The following CPLX2 variants were observed in gnomAD, a reference collection of about 807,000 sequenced individuals.
The protein encoded by CPLX2 is complexin 2, also known as complexin-2.
CPLX2 carries 5 observed loss-of-function variants against 16.3 expected under a neutral mutation model. The observed-to-expected ratio is 0.31, with a 90% confidence interval of 0.16 to 0.64. CPLX2 has a LOEUF of 0.64. Among genes scored for constraint, CPLX2 ranks in the 30% least tolerant of loss-of-function variants. The pLI is 0.79. For synonymous variants in CPLX2, 89 were observed against 73.2 expected (o/e 1.22, Z -1.10); for missense variants, 144 against 181.4 (o/e 0.79, Z 1.18).
upstream of CPLX2, among the ~76,000 whole-genome samples, chr5:175,868,173 G>A (rs938700595): frequency 4.6e-5 from 7 of 152,194 alleles, no homozygotes; most frequent in African/African-American, 1.7e-4. Flanking sequence ...GCTGGTGCCT[G>A]GCATTTCCTA....
At position 175,849,601 on chromosome 5, in the gene CPLX2, G is replaced by C. The variant is rs566723030; in HGVS notation, c.-88-29051G>C. Among the ~76,000 whole-genome samples, 1 of 152,202 alleles carries C rather than the reference G, an allele frequency of 6.6e-6. No homozygotes were observed. The highest frequency in any genetic ancestry group is 1.5e-5 in the Non-Finnish European group (1 of 68,028). On this transcript the variant is annotated intron_variant, in intron 2 of 4. Transcript: ENST00000359546. The surrounding 1 kb of genome is among the most constrained non-coding windows in gnomAD (Gnocchi z 4.4). ...GGACAGGGGACCACACTGGCTGGGG[G>C]AGCCTTCTCAGGGAGAGAAGAGGAG...
At chr5:175,840,978 G>T (rs1413998686) in intron 2 of CPLX2, among the ~76,000 whole-genome samples, 1 of 152,224 alleles carries the variant, frequency 6.6e-6, no homozygotes, top group East Asian at 1.9e-4. Flanking sequence ...GCCCAGGAAA[G>T]TGGGTAATTC....
intron 2 of CPLX2, among the ~76,000 whole-genome samples, chr5:175,828,230 C>A (rs1758655822): frequency 6.6e-6 from 1 of 152,172 alleles, no homozygotes; most frequent in Non-Finnish European, 1.5e-5. Flanking sequence ...CTCTGGAAAT[C>A]CGGATCTGGG....
rs56092802 is a variant in CPLX2 at position 175,846,000 on chromosome 5, G to A, written c.-88-32652G>A. Among the ~76,000 whole-genome samples, 285 of 152,236 alleles carry A rather than the reference G, an allele frequency of 1.9e-3. No homozygotes were observed. The highest frequency in any genetic ancestry group is 3.1e-3 in the Non-Finnish European group (211 of 68,006). On this transcript the variant is annotated intron_variant, in intron 2 of 4. Coordinates refer to the CPLX2 transcript ENST00000359546. The surrounding 1 kb of genome is among the most constrained non-coding windows in gnomAD (Gnocchi z 4.0). ...CTCACCTCCTGAAATCAATCAGGGC[G>A]AGACCTTAGTGAGGGCACTAAGGTC... is the stretch of plus-strand genomic sequence containing the variant.
intron 1 of CPLX2, among the ~76,000 whole-genome samples, chr5:175,807,557 C>T (rs1758231420): frequency 6.6e-6 from 1 of 152,252 alleles, no homozygotes; most frequent in Non-Finnish European, 1.5e-5. Context: ...AACATCTGCC[C>T]TGTTTTTAAT....
At chr5:175,869,520 A>G (rs527564010), upstream of CPLX2, among the ~76,000 whole-genome samples, 5 of 152,226 alleles carry the variant, frequency 3.3e-5, no homozygotes, top group Non-Finnish European at 7.3e-5. Flanking sequence ...CGCCAGCAAT[A>G]GAAAAAGCAA....
chr5:175,832,499 C>T (rs1301165479), intron 2 of CPLX2, among the ~76,000 whole-genome samples: 2 of 152,232 alleles, frequency 1.3e-5, no homozygotes, highest in East Asian at 3.8e-4. Flanking sequence ...GAAACTGCTG[C>T]TTCTGCTGTT....
upstream of CPLX2, among the ~76,000 whole-genome samples, chr5:175,869,122 T>C (rs1464168914): frequency 6.6e-6 from 1 of 152,238 alleles, no homozygotes; most frequent in Non-Finnish European, 1.5e-5. Flanking sequence ...TCAAGGCTGG[T>C]AACACTGAAT....
At chr5:175,843,375 G>GTGAA (rs1281889317) in intron 2 of CPLX2, among the ~76,000 whole-genome samples, 1 of 152,222 alleles carries the variant, frequency 6.6e-6, no homozygotes, top group African/African-American at 2.4e-5. Flanking sequence ...TGCTTACTGT[G>GTGAA]TGAATGTCCC....
At position 175,883,004 on chromosome 5, in the gene CPLX2, G is replaced by C. The variant is rs1189397929; in HGVS notation, c.*2959G>C. 6.6e-6 allele frequency: 1 copy of C among 152,288 alleles called. No individual in the cohort carries two copies. Among genetic ancestry groups the C allele is most frequent in the Non-Finnish European group, 1.5e-5 (1 of 68,082 alleles). 9.4% of individuals were successfully genotyped at this position (152,288 alleles called of 1,614,324 possible). ...AGTGTGCACATACAAATGGGGCAGT[G>C]TGCATGCAACACACTTAGGGGAGGA... On this transcript the variant is annotated 3_prime_UTR_variant, in exon 4 of 4. Coordinates refer to ENST00000393745, the MANE Select transcript of CPLX2 (RefSeq NM_001008220.2).
intron 2 of CPLX2, among the ~76,000 whole-genome samples, chr5:175,855,561 C>T (rs112447793): frequency 6.6e-6 from 1 of 152,090 alleles, no homozygotes; most frequent in African/African-American, 2.4e-5. Context: ...AAAATGTGAC[C>T]GAGGTTCAGC....
chr5:175,847,724 G>A (rs1759074665), intron 2 of CPLX2, among the ~76,000 whole-genome samples: 1 of 152,198 alleles, frequency 6.6e-6, no homozygotes, highest in Non-Finnish European at 1.5e-5. Context: ...ACCACACACA[G>A]GCTCCACTAC....
chr5:175,833,156 C>CAAAAAA (rs945794215), intron 2 of CPLX2, among the ~76,000 whole-genome samples: 1 of 137,698 alleles, frequency 7.3e-6, no homozygotes, highest in Admixed American at 7.4e-5. Context: ...AACTCCATCT[C>CAAAAAA]AAAAAAAAAA....
At chr5:175,861,820 A>C (rs1402791308) in intron 2 of CPLX2, 2 of 152,160 alleles carry the variant, frequency 1.3e-5, no homozygotes, top group Non-Finnish European at 2.9e-5. Flanking sequence ...CCCCCTCAAG[A>C]GGGGGTGTAG....
chr5:175,850,155 T>G (rs1322312179), intron 2 of CPLX2, among the ~76,000 whole-genome samples: 1 of 151,384 alleles, frequency 6.6e-6, no homozygotes. Flanking sequence ...TTTTTTTGTT[T>G]TTTTTTTTTA....
At chr5:175,801,793 C>T (rs1030222947) in intron 1 of CPLX2, among the ~76,000 whole-genome samples, 1 of 152,204 alleles carries the variant, frequency 6.6e-6, no homozygotes, top group Admixed American at 6.5e-5. Context: ...GCCGGGAGCA[C>T]ATGCCAAGAA....
At chr5:175,874,971 G>A (rs1399972705) in intron 1 of CPLX2, among the ~76,000 whole-genome samples, 1 of 152,212 alleles carries the variant, frequency 6.6e-6, no homozygotes, top group Non-Finnish European at 1.5e-5. Context: ...GCTGGAAAAG[G>A]TGGGGGGAGG....
chr5:175,866,114 G>A (rs1221596665), intron 2 of CPLX2, among the ~76,000 whole-genome samples: 2 of 152,344 alleles, frequency 1.3e-5, no homozygotes, highest in East Asian at 1.9e-4. Flanking sequence ...AGCGTCCTGA[G>A]GGTGGACAGA....
At chr5:175,864,588 G>A (rs776137225) in intron 2 of CPLX2, among the ~76,000 whole-genome samples, 3 of 152,208 alleles carry the variant, frequency 2.0e-5, no homozygotes, top group Non-Finnish European at 2.9e-5. Context: ...TGGTCCGTGT[G>A]TTAGCTCTTA....
Sources: allele counts gnomAD v4.1 joint callset (sites outside exome capture counted in the v4.1 genomes callset), GRCh38; gene constraint gnomAD v4.1.1; non-coding constraint Gnocchi (gnomAD v3.1); transcripts MANE v1.5; gene names NCBI Gene and HGNC (gene_info 2026-07-23, HGNC 2026-07-21).